The following SMURF1 variants were observed in gnomAD, a reference collection of about 807,000 sequenced individuals.
The protein encoded by SMURF1 is E3 ubiquitin-protein ligase SMURF1.
SMURF1 carries 44 observed loss-of-function variants against 98.0 expected under a neutral mutation model. That is an observed-to-expected ratio of 0.45 (90% confidence interval 0.35 to 0.58). The LOEUF is 0.58. Among genes scored for constraint, SMURF1 ranks in the 20% least tolerant of loss-of-function variants. The pLI is 0.00. For missense variants in SMURF1, 687 were observed against 938.4 expected, an observed-to-expected ratio of 0.73 and a Z score of 3.50; for synonymous variants, 396 against 374.9, an observed-to-expected ratio of 1.06 and a Z score of -0.65.
intron 10 of SMURF1, among the ~76,000 whole-genome samples, chr7:99,046,328 C>G (rs1795573105): frequency 6.6e-6 from 1 of 152,096 alleles, no homozygotes; most frequent in East Asian, 1.9e-4. Flanking sequence ...CCTGCTATTC[C>G]CTCACACTCA....
chr7:99,050,904 G>GGGCC, intron 8 of SMURF1: 1 of 1,016,432 alleles, frequency 9.8e-7, no homozygotes, highest in Non-Finnish European at 1.4e-6. Context: ...TGGGGGGGGG[G>GGGCC]TCTCTCTAAC....
In SMURF1 at chr7:99,040,500, A is replaced by G. The variant is rs150133328; in HGVS notation, c.1428T>C (p.His476=). 56 of 1,579,038 alleles carry G rather than the reference A, an allele frequency of 3.5e-5. No individual in the cohort carries two copies. The African/African-American group carries it at 4.2e-4, about 12-fold the overall frequency. Residue 476 remains histidine, a synonymous_variant, in exon 13 of 18, where the codon CAT becomes CAC. Transcript: ENST00000361368. ...VGRIMGLAVF[H]GHYINGGFTV... is the part of the protein sequence containing the mutation. ...TGAAGCCCCCGTTGATGTAGTGTCCATGGAACACAGCCAGCCCCATGATCC... is the reference window on the plus strand; with the variant it reads ...TGAAGCCCCCGTTGATGTAGTGTCCGTGGAACACAGCCAGCCCCATGATCC...
intron 8 of SMURF1, chr7:99,051,073 T>G: frequency 7.5e-7 from 1 of 1,326,046 alleles, no homozygotes; most frequent in Non-Finnish European, 1.0e-6. Flanking sequence ...ATGGAAAATT[T>G]TAAGCATATA....
chr7:99,055,739 C>T (rs563293341), intron 5 of SMURF1, among the ~76,000 whole-genome samples: 32 of 152,100 alleles, frequency 2.1e-4, no homozygotes, highest in Admixed American at 9.8e-4. Flanking sequence ...CTAAGGCGGG[C>T]GGATCACCTG....
intron 1 of SMURF1, among the ~76,000 whole-genome samples, chr7:99,108,339 G>A (rs975221367): frequency 1.3e-5 from 2 of 151,738 alleles, no homozygotes; most frequent in Admixed American, 6.6e-5. Context: ...GCCAGGCATG[G>A]TGGCTCACGC....
At chr7:99,078,901 G>A (rs779185069) in intron 1 of SMURF1, among the ~76,000 whole-genome samples, 26 of 152,212 alleles carry the variant, frequency 1.7e-4, no homozygotes, top group Admixed American at 7.2e-4. Flanking sequence ...AATGGAATGC[G>A]CTTGAATCAT....
Position 99,057,270 on chromosome 7 carries a change from T to A in SMURF1, c.338A>T (p.Tyr113Phe). Reference protein sequence around the residue: ...NAISRLKDTGYQRLDLCKLNP... With the variant: ...NAISRLKDTGFQRLDLCKLNP... ...TAGTTTGCATAGATCCAAACGCTGG[T>A]CTGTAAACAAACAATTCAAAACTTA... Residue 113 changes from tyrosine to phenylalanine, a missense_variant and splice_region_variant, in exon 5 of 18, where the codon TAC becomes TTC. Physicochemically the swap from Tyr to Phe is conservative, Grantham distance 22. Coordinates refer to ENST00000361368, the MANE Select transcript of SMURF1 (RefSeq NM_181349.3). 1 of 1,614,120 alleles carries A rather than the reference T, an allele frequency of 6.2e-7. No homozygotes were observed.
intron 1 of SMURF1, among the ~76,000 whole-genome samples, chr7:99,122,351 A>G (rs932480965): frequency 7.2e-6 from 1 of 139,636 alleles, no homozygotes; most frequent in African/African-American, 2.7e-5. Context: ...AAGAAGAAGA[A>G]GAAAAAAAAA....
intron 10 of SMURF1, among the ~76,000 whole-genome samples, chr7:99,046,049 T>C (rs1053768783): frequency 1.3e-5 from 2 of 152,094 alleles, no homozygotes; most frequent in African/African-American, 4.8e-5. Context: ...AACACGTGTC[T>C]GTTTTCAGTG....
At chr7:99,069,401 C>T (rs1168724569) in intron 1 of SMURF1, among the ~76,000 whole-genome samples, 1 of 152,220 alleles carries the variant, frequency 6.6e-6, no homozygotes, top group Non-Finnish European at 1.5e-5. Flanking sequence ...CTCTGTCACC[C>T]AGGCTAGAAT....
intron 1 of SMURF1, among the ~76,000 whole-genome samples, chr7:99,139,294 A>ATT (rs952292982): frequency 1.3e-5 from 2 of 152,278 alleles, no homozygotes; most frequent in South Asian, 4.1e-4. Flanking sequence ...ACAACCTCAT[A>ATT]TTTCCACATG....
intron 1 of SMURF1, among the ~76,000 whole-genome samples, chr7:99,075,066 G>A (rs1035745193): frequency 5.9e-5 from 9 of 152,150 alleles, no homozygotes; most frequent in African/African-American, 2.2e-4. Flanking sequence ...CTAGCAAGGA[G>A]GTGGAAGTAG....
intron 1 of SMURF1, among the ~76,000 whole-genome samples, chr7:99,136,577 TTAA>T (rs1322530775): frequency 2.6e-5 from 4 of 152,254 alleles, no homozygotes; most frequent in African/African-American, 9.6e-5. Flanking sequence ...TCTCTAGTTA[TTAA>T]TAATAACTAT....
intron 1 of SMURF1, among the ~76,000 whole-genome samples, chr7:99,102,728 T>C (rs1388716534): frequency 6.6e-6 from 1 of 152,262 alleles, no homozygotes; most frequent in African/African-American, 2.4e-5. Context: ...GTAAAGGTTA[T>C]AGATAATTAG....
chr7:99,075,400 G>T (rs1796429477), intron 1 of SMURF1, among the ~76,000 whole-genome samples: 1 of 152,136 alleles, frequency 6.6e-6, no homozygotes, highest in South Asian at 2.1e-4. Flanking sequence ...GGGATTACAG[G>T]ATTACAGGCC....
At chr7:99,095,240 C>T (rs1266020900) in intron 1 of SMURF1, among the ~76,000 whole-genome samples, 2 of 151,974 alleles carry the variant, frequency 1.3e-5, no homozygotes, top group South Asian at 2.1e-4. Flanking sequence ...CCACCATGTC[C>T]GGCTAATTTT....
rs766865453 is a variant in SMURF1 at position 99,029,015 on chromosome 7, T to G, written c.*1569A>C. On this transcript the variant is annotated 3_prime_UTR_variant, in exon 18 of 18. Transcript: ENST00000361368. ...AAGCCCACCATTTGGCCTGGACTTTTGGAATGGGGGATTAAACTTTCCTCC... is the reference window on the plus strand; with the variant it reads ...AAGCCCACCATTTGGCCTGGACTTTGGGAATGGGGGATTAAACTTTCCTCC... The G allele has an allele frequency of 6.6e-6, 1 of 152,370 alleles. No homozygotes were observed. Among genetic ancestry groups the G allele is most frequent in the Non-Finnish European group, 1.5e-5 (1 of 68,070 alleles). 9.4% of individuals were successfully genotyped at this position (152,370 alleles called of 1,614,324 possible).
intron 1 of SMURF1, among the ~76,000 whole-genome samples, chr7:99,112,386 G>C (rs1797344806): frequency 6.6e-6 from 1 of 152,150 alleles, no homozygotes; most frequent in South Asian, 2.1e-4. Flanking sequence ...TGATTCATCA[G>C]CTGACCACTA....
intron 15 of SMURF1, among the ~76,000 whole-genome samples, 178 bp downstream of exon 15, chr7:99,036,889 T>C (rs775675145): frequency 1.1e-4 from 17 of 152,154 alleles, no homozygotes; most frequent in Non-Finnish European, 2.4e-4. Flanking sequence ...GGTTACTAAC[T>C]GGCATGAACA....
Sources: allele counts gnomAD v4.1 joint callset (sites outside exome capture counted in the v4.1 genomes callset), GRCh38; gene constraint gnomAD v4.1.1; transcripts MANE v1.5; gene names NCBI Gene and HGNC (gene_info 2026-07-23, HGNC 2026-07-21).